The following RASGRF2 variants were observed in gnomAD, a reference collection of about 807,000 sequenced individuals.
RASGRF2 encodes ras-specific guanine nucleotide-releasing factor 2.
RASGRF2 carries 76 observed loss-of-function variants against 151.0 expected under a neutral mutation model. That is an observed-to-expected ratio of 0.50 (90% confidence interval 0.42 to 0.61). The LOEUF is 0.61. Ranked by LOEUF, RASGRF2 falls within the 20% of genes least tolerant of loss-of-function variation. The probability of loss-of-function intolerance (pLI) is 0.00; values close to 1 mark genes in which losing one functional copy is unlikely to be tolerated. For missense variants in RASGRF2, 1,148 were observed against 1,564.6 expected (o/e 0.73, Z 4.49); for synonymous variants, 504 against 566.5 (o/e 0.89, Z 1.57).
rs1009767170 is a variant in RASGRF2, at chr5:81,120,799, T to C, written c.2471-2843T>C. ...TATAATCAATTATTGTGATTCATAT[T>C]GAAGGCTAGGAATAGATTGGTTGTG... On this transcript the variant is annotated intron_variant, in intron 15 of 26. Coordinates refer to ENST00000265080, the MANE Select transcript of RASGRF2 (RefSeq NM_006909.3). 5.9e-5 allele frequency among the ~76,000 whole-genome samples: 9 copies of C among 152,344 alleles called. No individual in the cohort carries two copies. The East Asian group carries it at 1.5e-3, about 26-fold the overall frequency.
At chr5:81,075,724 G>A (rs1226172835) in intron 5 of RASGRF2, among the ~76,000 whole-genome samples, 2 of 152,114 alleles carry the variant, frequency 1.3e-5, no homozygotes, top group Non-Finnish European at 1.5e-5. Flanking sequence ...TCTGTTGAGC[G>A]TGAGATGCTA....
intron 13 of RASGRF2, among the ~76,000 whole-genome samples, chr5:81,111,117 C>T (rs966395921): frequency 3.3e-5 from 5 of 152,324 alleles, no homozygotes; most frequent in Non-Finnish European, 4.4e-5. Context: ...TCCCTCAAAG[C>T]GCTGAAAGGG....
intron 15 of RASGRF2, 148 bp from the exon 16 acceptor site, chr5:81,123,494 T>C (rs1395828601): frequency 2.0e-6 from 2 of 980,014 alleles, no homozygotes; most frequent in Non-Finnish European, 1.5e-6. Context: ...TTAGATTTAG[T>C]GTCATTAGTA....
chr5:80,982,604 T>C (rs1748340206), intron 1 of RASGRF2, among the ~76,000 whole-genome samples: 1 of 147,700 alleles, frequency 6.8e-6, no homozygotes. Flanking sequence ...ATTATTATTA[T>C]TATTATTATT....
chr5:80,995,731 C>CCA (rs1748834978), intron 1 of RASGRF2, among the ~76,000 whole-genome samples: 12 of 122,878 alleles, frequency 9.8e-5, no homozygotes, highest in Non-Finnish European at 1.6e-4. Context: ...CTCCGTCTGT[C>CCA]GCCCAGGCTG....
At chr5:81,072,876 A>G (rs1751821458) in intron 4 of RASGRF2, among the ~76,000 whole-genome samples, 1 of 152,158 alleles carries the variant, frequency 6.6e-6, no homozygotes, top group Non-Finnish European at 1.5e-5. Flanking sequence ...GAAACAGAGA[A>G]TCAGAGGTCA....
intron 7 of RASGRF2, 46 bp downstream of exon 7, chr5:81,080,835 A>T (rs773754480): frequency 6.4e-7 from 1 of 1,554,874 alleles, no homozygotes; most frequent in Non-Finnish European, 8.8e-7. Flanking sequence ...TTCCAGCTCA[A>T]TGTCACTGAT....
intron 19 of RASGRF2, among the ~76,000 whole-genome samples, chr5:81,202,880 G>C (rs889749385): frequency 2.0e-5 from 3 of 152,244 alleles, no homozygotes; most frequent in African/African-American, 7.2e-5. Context: ...AGGCAAGGGA[G>C]GGTTCCCCTC....
chr5:81,194,607 T>C (rs1580395973), intron 18 of RASGRF2, among the ~76,000 whole-genome samples: 1 of 152,184 alleles, frequency 6.6e-6, no homozygotes, highest in African/African-American at 2.4e-5. Flanking sequence ...CTCCTAAGCG[T>C]GTGCTGGGTG....
intron 2 of RASGRF2, among the ~76,000 whole-genome samples, chr5:81,067,167 T>A (rs2112450632): frequency 6.6e-6 from 1 of 152,316 alleles, no homozygotes; most frequent in East Asian, 1.9e-4. Context: ...CTGGGGTTGC[T>A]GGGATTATGA....
intron 17 of RASGRF2, among the ~76,000 whole-genome samples, chr5:81,169,195 A>C (rs1306145890): frequency 6.6e-6 from 1 of 152,198 alleles, no homozygotes; most frequent in Non-Finnish European, 1.5e-5. Context: ...GCCCCATCTC[A>C]GGAAGTGGTA....
At chr5:81,025,372 C>A (rs983339908) in intron 1 of RASGRF2, among the ~76,000 whole-genome samples, 2 of 152,188 alleles carry the variant, frequency 1.3e-5, no homozygotes, top group African/African-American at 2.4e-5. Flanking sequence ...CAGGAATGAC[C>A]CTTAGCAAGC....
At chr5:80,987,892 GA>G (rs1231166812) in intron 1 of RASGRF2, among the ~76,000 whole-genome samples, 1 of 151,936 alleles carries the variant, frequency 6.6e-6, no homozygotes, top group African/African-American at 2.4e-5. Context: ...TATTTTCTTA[GA>G]AAGCTACTTA....
At position 81,080,195 on chromosome 5, in the gene RASGRF2, T is replaced by C. The variant is rs1752047516; in HGVS notation, c.962T>C (p.Ile321Thr). 1.3e-6 allele frequency: 2 copies of C among 1,597,042 alleles called. No homozygotes were observed. Among genetic ancestry groups the C allele is most frequent in the Non-Finnish European group, 1.7e-6 (2 of 1,176,420 alleles). ...AGGATAGCAAACTGGCCCACTTTAA[T>C]TTTAGGTAAGTGCATTCTTTAAAGG... ...KARIANWPTL[I>T]LADLFDILLP... The change falls in exon 6 of 27, where the codon ATT (isoleucine) becomes ACT (threonine). Residue 321 changes from isoleucine to threonine, a missense_variant. By Grantham distance (89) the Ile-to-Thr change is moderately conservative (BLOSUM62 -1). Transcript: ENST00000265080.
intron 8 of RASGRF2, 81 bp downstream of exon 8, chr5:81,085,992 T>A: frequency 1.3e-6 from 2 of 1,566,662 alleles, no homozygotes; most frequent in Non-Finnish European, 1.7e-6. Flanking sequence ...GTATATGTTC[T>A]AAGGAACAAG....
rs372344764 is a variant in RASGRF2 at position 81,225,732 on chromosome 5, G to C, written c.3676G>C (p.Glu1226Gln). 6.2e-6 allele frequency: 10 copies of C among 1,612,250 alleles called. No homozygotes were observed. The highest frequency in any genetic ancestry group is 8.5e-6 in the Non-Finnish European group (10 of 1,179,646). The change falls in exon 27 of 27, where the codon GAG becomes CAG. Residue 1226 changes from glutamate (E) to glutamine (Q), a missense_variant. Glu to Gln is a conservative substitution (Grantham distance 29). Around this residue, in one of 5 missense-constraint regions of RASGRF2, gnomAD observed 100 missense variants for 148.2 expected, o/e 0.67. Coordinates refer to ENST00000265080, the MANE Select transcript of RASGRF2 (RefSeq NM_006909.3). The stretch of plus-strand genomic sequence containing the variant: ...TATCATAGATGAAGATACGCTATAT[G>C]AGCTGTCACTAAAAATTGAACCTCG... ...DLIIDEDTLYELSLKIEPRLP... is the reference protein window; with the variant it reads ...DLIIDEDTLYQLSLKIEPRLP...
intron 1 of RASGRF2, among the ~76,000 whole-genome samples, chr5:80,984,283 G>A (rs1748406935): frequency 6.6e-6 from 1 of 152,132 alleles, no homozygotes; most frequent in Admixed American, 6.5e-5. Context: ...CGAGCTCCTG[G>A]CCTCAAGTGA....
At chr5:81,197,480 A>AAAAAAAAAAT (rs1755293208) in intron 18 of RASGRF2, among the ~76,000 whole-genome samples, 1 of 150,902 alleles carries the variant, frequency 6.6e-6, no homozygotes, top group African/African-American at 2.4e-5. Flanking sequence ...AAAAAAAAAA[A>AAAAAAAAAAT]AAAAAAAGTA....
At chr5:81,110,081 A>C (rs1752954245) in intron 13 of RASGRF2, among the ~76,000 whole-genome samples, 1 of 152,108 alleles carries the variant, frequency 6.6e-6, no homozygotes, top group Non-Finnish European at 1.5e-5. Flanking sequence ...TGAAGTTTGT[A>C]TTCCTCCCTA....
Sources: gnomAD v4.1 joint callset for allele counts (sites outside exome capture counted in the v4.1 genomes callset) on GRCh38, gnomAD v4.1.1 for gene constraint, gnomAD v4.1.1 regional missense constraint, MANE v1.5 for transcripts, NCBI Gene and HGNC (gene_info 2026-07-23, HGNC 2026-07-21) for gene names.